RARB: variants seen among roughly 807,000 people sequenced by gnomAD.
The protein encoded by RARB is retinoic acid receptor beta.
Under a neutral mutation model 51.9 loss-of-function variants are expected in RARB, and 17 were observed. That is an observed-to-expected ratio of 0.33 (90% CI 0.22 to 0.49). RARB has a LOEUF of 0.49. Among genes scored for constraint, RARB ranks in the 20% least tolerant of loss-of-function variants. RARB has a pLI of 0.99. For missense variants in RARB, 369 were observed against 550.8 expected (o/e 0.67, Z 3.30); for synonymous variants, 215 against 195.4 (o/e 1.10, Z -0.84).
intron 2 of RARB, among the ~76,000 whole-genome samples, chr3:25,476,386 G>A (rs536444527): frequency 7.2e-5 from 11 of 152,062 alleles, no homozygotes; most frequent in African/African-American, 2.2e-4. Flanking sequence ...AACTCTTTGG[G>A]GCCCTTAATA....
chr3:25,050,521 A>G (rs1424313560), intron 2 of RARB, among the ~76,000 whole-genome samples: 1 of 152,178 alleles, frequency 6.6e-6, no homozygotes, highest in African/African-American at 2.4e-5. Flanking sequence ...CACTTTACGA[A>G]GTCAAATAGT....
intron 2 of RARB, among the ~76,000 whole-genome samples, chr3:24,893,685 T>C (rs1176909436): frequency 6.1e-5 from 5 of 81,592 alleles, no homozygotes; most frequent in African/African-American, 9.4e-5. Context: ...GCCTCACTGA[T>C]TTTTTTTTTT....
In RARB at chr3:24,970,596, C is replaced by T. The variant is rs1023422440; in HGVS notation, c.-379-89529C>T. Among the ~76,000 whole-genome samples the T allele has an allele frequency of 2.6e-5, 4 of 151,648 alleles. No homozygotes were observed. The East Asian group carries it at 7.7e-4, about 29-fold the overall frequency. On this transcript the variant is annotated intron_variant, in intron 2 of 11. Transcript: ENST00000383772. The stretch of plus-strand genomic sequence containing the variant: ...GTAAACACACACACACACACACACA[C>T]ACACACACAAACACACCCCCTCTGC...
intron 3 of RARB, among the ~76,000 whole-genome samples, chr3:25,078,469 A>G (rs1005519701): frequency 1.3e-5 from 2 of 151,498 alleles, no homozygotes; most frequent in Non-Finnish European, 2.9e-5. Flanking sequence ...GGATTTATCT[A>G]TATGACAATG....
chr3:25,140,594 G>A (rs537759613), intron 4 of RARB, among the ~76,000 whole-genome samples: 7 of 152,274 alleles, frequency 4.6e-5, no homozygotes, highest in Admixed American at 2.0e-4. Context: ...TGTGAACATT[G>A]TTGAAATGAC....
At chr3:25,120,351 C>T (rs539487882) in intron 3 of RARB, among the ~76,000 whole-genome samples, 2 of 151,986 alleles carry the variant, frequency 1.3e-5, no homozygotes, top group Non-Finnish European at 2.9e-5. Context: ...GACTTGTTAC[C>T]ATAAGGGAAG....
chr3:25,048,726 T>G (rs1483042252), intron 2 of RARB, among the ~76,000 whole-genome samples: 2 of 151,648 alleles, frequency 1.3e-5, no homozygotes, highest in Admixed American at 6.6e-5. Flanking sequence ...AACGGCATAT[T>G]TCTGCAGAGA....
intron 3 of RARB, among the ~76,000 whole-genome samples, chr3:25,097,065 G>A (rs1281035749): frequency 6.6e-6 from 1 of 152,126 alleles, no homozygotes; most frequent in East Asian, 1.9e-4. Flanking sequence ...TTCTTTTGTA[G>A]CAATTTAGCT....
chr3:25,470,071 A>G (rs1695612244), intron 2 of RARB, among the ~76,000 whole-genome samples: 1 of 152,172 alleles, frequency 6.6e-6, no homozygotes, highest in South Asian at 2.1e-4. Flanking sequence ...CATTTCAGCA[A>G]TGCCCGGGTT....
At chr3:25,081,673 C>A (rs1699006719) in intron 3 of RARB, among the ~76,000 whole-genome samples, 1 of 96,546 alleles carries the variant, frequency 1.0e-5, no homozygotes, top group Non-Finnish European at 1.9e-5. Flanking sequence ...ACTCTTGTTG[C>A]CCAGGTTGGA....
chr3:25,569,673 C>A, intron 3 of RARB, 85 bp from the exon 4 acceptor site: 1 of 1,433,432 alleles, frequency 7.0e-7, no homozygotes, highest in Non-Finnish European at 9.4e-7. Context: ...GAGCTTAAGG[C>A]AGCCTTGGGA....
chr3:25,249,681 A>ATTTT lies in RARB; in HGVS notation c.178+75124_178+75127dup, dbSNP rs775744919. 9.8e-3 allele frequency among the ~76,000 whole-genome samples: 931 copies of ATTTT among 95,100 alleles called. 10 individuals are homozygous for ATTTT. The highest frequency in any genetic ancestry group is 0.015 in the Non-Finnish European group (713 of 46,614). The allele number at this position is 95,100 out of a possible 152,430, so 62.4% of individuals were successfully genotyped here. ...TATGCAGTAGTGTAGTCTCTGTATGATTTTTTTTTTTTTTTTTTTTTGGCT... is the reference window on the plus strand; with the variant it reads ...TATGCAGTAGTGTAGTCTCTGTATGATTTTTTTTTTTTTTTTTTTTTTTTTGGCT... On this transcript the variant is annotated intron_variant, in intron 5 of 11. Coordinates refer to the RARB transcript ENST00000383772.
chr3:25,124,447 A>C (rs909004706), intron 3 of RARB, among the ~76,000 whole-genome samples: 2 of 152,162 alleles, frequency 1.3e-5, no homozygotes, highest in African/African-American at 2.4e-5. Flanking sequence ...TTCTTATATA[A>C]TGAAAAAGTA....
chr3:25,066,604 AACACACACAC>A lies in RARB; in HGVS notation c.-328+6447_-328+6456del, dbSNP rs5847340. 2.9e-3 allele frequency among the ~76,000 whole-genome samples: 430 copies of A among 146,818 alleles called. 4 individuals carry two copies. The highest frequency in any genetic ancestry group is 3.5e-3 in the Middle Eastern group (1 of 288). On this transcript the variant is annotated intron_variant, in intron 3 of 11. Transcript: ENST00000383772. ...ATGCATATGTGCACACGCACACATA[AACACACACAC>A]ACACACACACACACACACCTTTCTC...
chr3:25,179,879 C>T (rs541199191), intron 5 of RARB, among the ~76,000 whole-genome samples: 22 of 152,276 alleles, frequency 1.4e-4, no homozygotes, highest in Admixed American at 5.9e-4. Context: ...ATTAAGTAAT[C>T]ACATTGCCAT....
At chr3:25,260,700 T>A (rs1702977838) in intron 5 of RARB, among the ~76,000 whole-genome samples, 1 of 152,120 alleles carries the variant, frequency 6.6e-6, no homozygotes, top group Admixed American at 6.6e-5. Context: ...CAGCCGCCTG[T>A]GTTCAGTTGA....
chr3:25,497,391 C>T (rs1048848401), intron 2 of RARB, among the ~76,000 whole-genome samples: 9 of 152,194 alleles, frequency 5.9e-5, no homozygotes, highest in East Asian at 5.8e-4. Flanking sequence ...TGCAGATAGA[C>T]AGTCTCTCTT....
intron 5 of RARB, among the ~76,000 whole-genome samples, chr3:25,376,937 TG>T (rs1706477908): frequency 2.0e-5 from 3 of 152,210 alleles, no homozygotes; most frequent in African/African-American, 7.2e-5. Flanking sequence ...GTGTAAAAGA[TG>T]GTGTTAGTGG....
chr3:24,865,394 A>G (rs538077851), intron 2 of RARB, among the ~76,000 whole-genome samples: 1 of 152,248 alleles, frequency 6.6e-6, no homozygotes, highest in African/African-American at 2.4e-5. Flanking sequence ...TTTTTATGCC[A>G]AGCATCTTCA....
Sources: allele counts gnomAD v4.1 joint callset (sites outside exome capture counted in the v4.1 genomes callset), GRCh38; gene constraint gnomAD v4.1.1; transcripts MANE v1.5; gene names NCBI Gene and HGNC (gene_info 2026-07-23, HGNC 2026-07-21).